UNC13B: variants seen among roughly 807,000 people sequenced by gnomAD.
The protein encoded by UNC13B is unc-13 homolog B, also known as protein unc-13 homolog B.
UNC13B carries 144 observed loss-of-function variants against 211.0 expected under a neutral mutation model. The observed-to-expected ratio is 0.68, with a 90% CI of 0.60 to 0.78. The LOEUF is 0.78. Ranked by LOEUF, UNC13B falls within the 30% of genes least tolerant of loss-of-function variation. The pLI is 0.00. For missense variants in UNC13B, 1,777 were observed against 2,002.0 expected, an observed-to-expected ratio of 0.89 and a Z score of 2.14; for synonymous variants, 709 against 725.8, an observed-to-expected ratio of 0.98 and a Z score of 0.37.
intron 1 of UNC13B, among the ~76,000 whole-genome samples, chr9:35,184,524 AG>A (rs1822223368): frequency 6.6e-6 from 1 of 152,184 alleles, no homozygotes; most frequent in African/African-American, 2.4e-5. Flanking sequence ...CCCGGTCAAC[AG>A]GGCGAAACCC....
In UNC13B at chr9:35,403,576, C is replaced by T. The variant is rs756686046; in HGVS notation, c.12714C>T (p.Pro4238=). Residue 4238 remains proline (P), a synonymous_variant, in exon 39 of 40, where the codon CCC becomes CCT. Coordinates refer to ENST00000635942, the MANE Select transcript of UNC13B (RefSeq NM_001371189.2). ...TTKSKSNNWA[P]KYNETFHFLL... is the part of the protein sequence containing the mutation. ...AATCCAAAAGCAACAACTGGGCCCCCAAGTACAATGAGACATTCCACTTGT... is the reference window on the plus strand; with the variant it reads ...AATCCAAAAGCAACAACTGGGCCCCTAAGTACAATGAGACATTCCACTTGT... 2.5e-6 allele frequency: 4 copies of T among 1,598,294 alleles called. No homozygotes were observed. The East Asian group carries it at 6.8e-5, about 27-fold the overall frequency.
rs1219865865 is a variant in UNC13B at position 35,399,398 on chromosome 9, C to T, written c.12205C>T (p.Gln4069Ter). 2.5e-6 allele frequency: 4 copies of T among 1,613,984 alleles called. No individual in the cohort carries two copies. The Admixed American group carries it at 6.7e-5, about 27-fold the overall frequency. ...LPPLTDQTGT[Q>*]LIFTAAKELS... Reference sequence around the variant, plus strand: ...TGATTCCCTCTCTGCCCAGGGCACCCAGCTGATCTTCACTGCTGCCAAGGA... The same window carrying T: ...TGATTCCCTCTCTGCCCAGGGCACCTAGCTGATCTTCACTGCTGCCAAGGA... The change falls in exon 35 of 40, where the codon CAG becomes TAG. Residue 4069 changes from glutamine (Q) to a stop codon, truncating the protein, a stop_gained. Coordinates refer to ENST00000635942, the MANE Select transcript of UNC13B (RefSeq NM_001371189.2). LOFTEE classifies it high-confidence loss of function.
intron 1 of UNC13B, among the ~76,000 whole-genome samples, chr9:35,173,532 T>G (rs539892584): frequency 1.3e-5 from 2 of 152,058 alleles, no homozygotes; most frequent in Non-Finnish European, 2.9e-5. Context: ...CAAGCGATTC[T>G]TGTGCCTCAG....
intron 1 of UNC13B, among the ~76,000 whole-genome samples, chr9:35,178,471 G>A (rs1821757431): frequency 1.3e-5 from 2 of 151,676 alleles, no homozygotes; most frequent in South Asian, 4.2e-4. Context: ...ACTCCAGTCT[G>A]GAGGACAGAG....
At chr9:35,290,208 A>G (rs4419897) in intron 7 of UNC13B, among the ~76,000 whole-genome samples, 30,885 of 151,926 alleles carry the variant, frequency 0.2, 3,320 homozygotes, top group Non-Finnish European at 0.24. Context: ...TTTATTAAAA[A>G]TTTATAGGTA....
At chr9:35,256,104 A>G (rs568918166) in intron 6 of UNC13B, among the ~76,000 whole-genome samples, 2 of 152,314 alleles carry the variant, frequency 1.3e-5, no homozygotes, top group South Asian at 4.1e-4. Context: ...TGTTACAGTT[A>G]ATGAACTAAT....
chr9:35,349,835 A>C (rs1832604048), intron 11 of UNC13B, among the ~76,000 whole-genome samples: 1 of 152,146 alleles, frequency 6.6e-6, no homozygotes, highest in South Asian at 2.1e-4. Context: ...AGGCCCACAG[A>C]CTAGATGTAG....
chr9:35,170,325 C>A (rs1821265345), intron 1 of UNC13B, among the ~76,000 whole-genome samples: 2 of 149,670 alleles, frequency 1.3e-5, no homozygotes, highest in African/African-American at 5.1e-5. Flanking sequence ...ACCACCACGC[C>A]TAGCTAATTT....
intron 11 of UNC13B, among the ~76,000 whole-genome samples, chr9:35,315,738 T>C (rs575102): frequency 0.36 from 54,779 of 152,036 alleles, 10,370 homozygotes; most frequent in African/African-American, 0.47. Context: ...CAGAATGACA[T>C]GTTGCATTTA....
chr9:35,230,967 T>C (rs1458088261), intron 2 of UNC13B, among the ~76,000 whole-genome samples, 153 bp from the exon 3 acceptor site: 2 of 152,224 alleles, frequency 1.3e-5, no homozygotes, highest in African/African-American at 2.4e-5. Context: ...AACTCTGCTA[T>C]GTCTTGAATG....
chr9:35,284,418 T>C (rs905729393), intron 7 of UNC13B, among the ~76,000 whole-genome samples: 4 of 152,238 alleles, frequency 2.6e-5, no homozygotes, highest in African/African-American at 9.6e-5. Context: ...AATTCATGGA[T>C]ATTTTTCTTT....
intron 11 of UNC13B, among the ~76,000 whole-genome samples, chr9:35,341,606 G>A (rs890886395): frequency 6.6e-6 from 1 of 152,136 alleles, no homozygotes; most frequent in Admixed American, 6.5e-5. Context: ...TAGCCCAGAT[G>A]TGAGAGAGGT....
In UNC13B at chr9:35,380,509, A is replaced by T. The variant is rs141359909; in HGVS notation, c.10245A>T (p.Val3415=). Residue 3415 remains valine (V), a synonymous_variant, in exon 18 of 40, where the codon GTA becomes GTT. Coordinates refer to ENST00000635942, the MANE Select transcript of UNC13B (RefSeq NM_001371189.2). ...HNSSDRIKVR[V]WDEDDDIKSR... ...CCTCTGACCGCATTAAGGTGCGTGT[A>T]TGGGATGAGGATGATGACATCAAGT... 2.5e-6 allele frequency: 4 copies of T among 1,614,218 alleles called. No individual in the cohort carries two copies. Among genetic ancestry groups the T allele is most frequent in the Non-Finnish European group, 2.5e-6 (3 of 1,180,030 alleles).
chr9:35,247,799 A>G (rs951746821), intron 6 of UNC13B, among the ~76,000 whole-genome samples: 2 of 152,188 alleles, frequency 1.3e-5, no homozygotes, highest in Admixed American at 1.3e-4. Flanking sequence ...CATCAGGGAT[A>G]TTGGTCTAAA....
At chr9:35,270,871 T>C (rs1449130836) in intron 7 of UNC13B, among the ~76,000 whole-genome samples, 1 of 152,168 alleles carries the variant, frequency 6.6e-6, no homozygotes, top group Non-Finnish European at 1.5e-5. Flanking sequence ...CCAGGCACGG[T>C]GGCTCATGCC....
intron 1 of UNC13B, among the ~76,000 whole-genome samples, chr9:35,207,241 T>TAAC (rs1450831775): frequency 1.3e-5 from 2 of 152,096 alleles, no homozygotes; most frequent in Non-Finnish European, 2.9e-5. Context: ...TATTTTCATG[T>TAAC]ATTTATTGAC....
At chr9:35,183,762 A>G (rs1295866333) in intron 1 of UNC13B, among the ~76,000 whole-genome samples, 7 of 117,668 alleles carry the variant, frequency 5.9e-5, no homozygotes, top group Non-Finnish European at 5.1e-5. Flanking sequence ...CTCACATCCC[A>G]GACGATGGGC....
chr9:35,378,360 C>A lies in UNC13B; in HGVS notation c.10129C>A (p.Gln3377Lys). The change falls in exon 17 of 40, where the codon CAA becomes AAA. Residue 3377 changes from glutamine (Q) to lysine (K), a missense_variant. Physicochemically the swap from Gln to Lys is moderately conservative, Grantham distance 53. Transcript: ENST00000635942. ...ATCCAGTGACCCTTACGTGACTGTG[C>A]AAGTCAGCAAAACTAAGAAGCGTAC... ...TGSSDPYVTVQVSKTKKRTKT... is the reference protein window; with the variant it reads ...TGSSDPYVTVKVSKTKKRTKT... The A allele has an allele frequency of 1.2e-6, 2 of 1,614,104 alleles. No homozygotes were observed. Among genetic ancestry groups the A allele is most frequent in the Non-Finnish European group, 1.7e-6 (2 of 1,180,016 alleles).
chr9:35,258,152 A>C (rs901561107), intron 6 of UNC13B, among the ~76,000 whole-genome samples: 2 of 152,170 alleles, frequency 1.3e-5, no homozygotes, highest in Non-Finnish European at 2.9e-5. Flanking sequence ...CTTGCCTCAG[A>C]TCTCATAGCT....
Sources: allele counts gnomAD v4.1 joint callset (sites outside exome capture counted in the v4.1 genomes callset), GRCh38; gene constraint gnomAD v4.1.1; transcripts MANE v1.5; gene names NCBI Gene and HGNC (gene_info 2026-07-23, HGNC 2026-07-21).